The following UBE2R2 variants were observed in gnomAD, a reference collection of about 807,000 sequenced individuals.
UBE2R2 encodes ubiquitin-conjugating enzyme E2 R2.
In UBE2R2, 1 loss-of-function variant was observed where a neutral mutation model predicts 27.8. That is an observed-to-expected ratio of 0.04 (90% CI 0.01 to 0.17). The LOEUF (loss-of-function observed/expected upper bound fraction) is 0.17. Among genes scored for constraint, UBE2R2 ranks in the 10% least tolerant of loss-of-function variants. UBE2R2 has a pLI of 1.00. For synonymous variants in UBE2R2, 106 were observed against 113.3 expected, an observed-to-expected ratio of 0.94 and a Z score of 0.41; for missense variants, 100 against 291.0, an observed-to-expected ratio of 0.34 and a Z score of 4.78.
At chr9:33,895,325 G>A (rs1197271877) in intron 2 of UBE2R2, among the ~76,000 whole-genome samples, 1 of 152,094 alleles carries the variant, frequency 6.6e-6, no homozygotes, top group Non-Finnish European at 1.5e-5. Context: ...CCCATTGAAT[G>A]GACTTGGCAT....
chr9:33,867,992 C>T (rs748602103), intron 1 of UBE2R2, among the ~76,000 whole-genome samples: 3 of 152,144 alleles, frequency 2.0e-5, no homozygotes, highest in Non-Finnish European at 2.9e-5. Context: ...TGTTCTTGTT[C>T]GGTGTCCAGG....
intron 1 of UBE2R2, among the ~76,000 whole-genome samples, chr9:33,860,262 A>C (rs373731092): frequency 6.6e-6 from 1 of 152,054 alleles, no homozygotes; most frequent in East Asian, 1.9e-4. Context: ...CTTTTGTGTA[A>C]GTTTATGTTT....
chr9:33,908,981 G>A lies in UBE2R2; in HGVS notation c.363-2983G>A, dbSNP rs573406636. Among the ~76,000 whole-genome samples the A allele has an allele frequency of 4.7e-5, 7 of 147,978 alleles. No individual in the cohort carries two copies. The South Asian group carries it at 6.4e-4, about 13-fold the overall frequency. On this transcript the variant is annotated intron_variant, in intron 3 of 4. Transcript: ENST00000263228. ...TATAAATAGCCTCTGTATTCCAGCCGGGGCAACATAGTGAGACCCTGTCTT... is the reference window on the plus strand; with the variant it reads ...TATAAATAGCCTCTGTATTCCAGCCAGGGCAACATAGTGAGACCCTGTCTT...
intron 1 of UBE2R2, among the ~76,000 whole-genome samples, chr9:33,870,867 A>ATTTTTCTAT (rs1407996998): frequency 1.3e-5 from 2 of 152,182 alleles, no homozygotes; most frequent in Non-Finnish European, 2.9e-5. Flanking sequence ...GAAAACTGAG[A>ATTTTTCTAT]GTTGTCCTTG....
rs1587490385 is a variant in UBE2R2 at position 33,919,552 on chromosome 9, T to C, written c.*2315T>C. On this transcript the variant is annotated 3_prime_UTR_variant, in exon 5 of 5. Transcript: ENST00000263228. Reference sequence around the variant, plus strand: ...TTTCAGCCCTTTGGGGTGTTAAAAGTGTCAAGGGCTGGGTTTGCCTCTGAT... The same window carrying C: ...TTTCAGCCCTTTGGGGTGTTAAAAGCGTCAAGGGCTGGGTTTGCCTCTGAT... 6.6e-6 allele frequency: 1 copy of C among 152,144 alleles called. No homozygotes were observed. The highest frequency in any genetic ancestry group is 2.4e-5 in the African/African-American group (1 of 41,472). 9.4% of individuals were successfully genotyped at this position (152,144 alleles called of 1,614,324 possible).
At chr9:33,879,946 G>A (rs927412691) in intron 1 of UBE2R2, among the ~76,000 whole-genome samples, 1 of 151,364 alleles carries the variant, frequency 6.6e-6, no homozygotes, top group Non-Finnish European at 1.5e-5. Flanking sequence ...GCAGTGGCAA[G>A]GTTATGATTC....
At chr9:33,824,375 G>GC (rs1367348963) in intron 1 of UBE2R2, among the ~76,000 whole-genome samples, 1 of 150,854 alleles carries the variant, frequency 6.6e-6, no homozygotes, top group Non-Finnish European at 1.5e-5. Flanking sequence ...GGTAGCTCAT[G>GC]CCTGTAATCC....
At chr9:33,897,096 G>T (rs1377670312) in intron 2 of UBE2R2, among the ~76,000 whole-genome samples, 1 of 134,320 alleles carries the variant, frequency 7.4e-6, no homozygotes, top group Non-Finnish European at 1.5e-5. Context: ...GAGTGCAGTG[G>T]CGCGATCTCA....
In UBE2R2 at chr9:33,870,459, A is replaced by G. The variant is rs7855559; in HGVS notation, c.178-16422A>G. On this transcript the variant is annotated intron_variant, in intron 1 of 4. Transcript: ENST00000263228. The stretch of plus-strand genomic sequence containing the variant: ...TGCCCGGCTTTTATTTTTATAATGT[A>G]CTATGTTTGGGGAGAATAGGAAACC... Among the ~76,000 whole-genome samples the G allele has an allele frequency of 6.1e-3, 933 of 152,196 alleles. 7 individuals are homozygous for G. The highest frequency in any genetic ancestry group is 0.021 in the African/African-American group (879 of 41,518).
At chr9:33,887,590 G>A (rs1048043956) in intron 2 of UBE2R2, among the ~76,000 whole-genome samples, 1 of 152,136 alleles carries the variant, frequency 6.6e-6, no homozygotes, top group Non-Finnish European at 1.5e-5. Flanking sequence ...TGATATATGA[G>A]GGCCCGCTAG....
chr9:33,861,854 T>TTC (rs1821244845), intron 1 of UBE2R2, among the ~76,000 whole-genome samples: 1 of 146,390 alleles, frequency 6.8e-6, no homozygotes, highest in Non-Finnish European at 1.5e-5. Flanking sequence ...TTTCTTTTTT[T>TTC]TTTTTTTTTT....
At chr9:33,877,825 C>CTGTCTGTCTGTCTGTCTG (rs760584943) in intron 1 of UBE2R2, among the ~76,000 whole-genome samples, 1 of 143,638 alleles carries the variant, frequency 7.0e-6, no homozygotes, top group African/African-American at 2.7e-5. Flanking sequence ...GTCTGTCTGT[C>CTGTCTGTCTGTCTGTCTG]TCTCTCTCTC....
intron 1 of UBE2R2, among the ~76,000 whole-genome samples, chr9:33,867,377 A>T (rs1821388241): frequency 6.6e-6 from 1 of 152,110 alleles, no homozygotes; most frequent in Admixed American, 6.6e-5. Flanking sequence ...TTTTGTCTGT[A>T]TGTATATTCC....
At chr9:33,860,414 C>G (rs963575212) in intron 1 of UBE2R2, among the ~76,000 whole-genome samples, 1 of 152,120 alleles carries the variant, frequency 6.6e-6, no homozygotes. Context: ...CCCTACCACT[C>G]TTTGGCTGTG....
intron 1 of UBE2R2, among the ~76,000 whole-genome samples, chr9:33,877,775 A>G (rs1821636982): frequency 6.9e-6 from 1 of 144,680 alleles, no homozygotes; most frequent in African/African-American, 2.7e-5. Context: ...AATATATAAA[A>G]CAGCCTTCAT....
intron 1 of UBE2R2, among the ~76,000 whole-genome samples, chr9:33,832,745 GCT>G (rs775620288): frequency 8.6e-5 from 13 of 150,734 alleles, no homozygotes; most frequent in Non-Finnish European, 1.6e-4. Context: ...TTTTTTTAAT[GCT>G]CTCAGAATCA....
rs910514189 is a variant in UBE2R2 at position 33,878,890 on chromosome 9, G to T, written c.178-7991G>T. 1.3e-5 allele frequency among the ~76,000 whole-genome samples: 2 copies of T among 152,258 alleles called. 1 individual carries two copies. The highest frequency in any genetic ancestry group is 4.2e-4 in the South Asian group (2 of 4,816). On this transcript the variant is annotated intron_variant, in intron 1 of 4. Transcript: ENST00000263228. ...GGAGGACTTATGTGTCCTGGACGAT[G>T]AAGAAAGGCTGACTTGTGGCTTATC...
intron 1 of UBE2R2, among the ~76,000 whole-genome samples, chr9:33,856,503 A>G (rs1237936068): frequency 6.6e-6 from 1 of 152,088 alleles, no homozygotes; most frequent in East Asian, 1.9e-4. Flanking sequence ...TTGATTTACT[A>G]TTGTGGAACA....
At chr9:33,843,042 CTT>C (rs71506139) in intron 1 of UBE2R2, among the ~76,000 whole-genome samples, 2 of 105,292 alleles carry the variant, frequency 1.9e-5, no homozygotes, top group Non-Finnish European at 3.5e-5. Flanking sequence ...AAACAGACCA[CTT>C]TTTTTTTTTT....
Sources: allele counts gnomAD v4.1 joint callset (sites outside exome capture counted in the v4.1 genomes callset), GRCh38; gene constraint gnomAD v4.1.1; transcripts MANE v1.5; gene names NCBI Gene and HGNC (gene_info 2026-07-23, HGNC 2026-07-21).